Variants in ATXN7 observed in about 807,000 individuals in gnomAD.
ATXN7 encodes ataxin 7.
A neutral mutation model predicts 70.5 loss-of-function variants in ATXN7; 12 were observed. The ratio of observed to expected loss-of-function variants is 0.17; its 90% confidence interval spans 0.11 to 0.28. The LOEUF is 0.28. Among genes scored for constraint, ATXN7 ranks in the 10% least tolerant of loss-of-function variants. The pLI is 1.00. For synonymous variants in ATXN7, 498 were observed against 448.7 expected (o/e 1.11, Z -1.39); for missense variants, 1,256 against 1,131.7 (o/e 1.11, Z -1.58).
chr3:63,982,637 TG>T (rs909736688), intron 7 of ATXN7, among the ~76,000 whole-genome samples, 192 bp downstream of exon 7: 237 of 151,444 alleles, frequency 1.6e-3, no homozygotes, highest in Non-Finnish European at 3.0e-3. Context: ...TGTGTGTGTG[TG>T]TGTGTGTGTG....
chr3:63,993,819 G>A (rs1229417539), intron 11 of ATXN7, among the ~76,000 whole-genome samples: 2 of 152,170 alleles, frequency 1.3e-5, no homozygotes. Context: ...AGAAGCCACT[G>A]CTCCCAGTGA....
In ATXN7 at chr3:63,933,128, A is replaced by T. The variant is rs537219622; in HGVS notation, c.395-19251A>T. ...AGAGGTAATGTCAAAGTGCCCTCCA[A>T]AAAGGCTCTACTAGTTTCAGGTGTC... On this transcript the variant is annotated intron_variant, in intron 4 of 12. Transcript: ENST00000674280. 2.1e-4 allele frequency among the ~76,000 whole-genome samples: 32 copies of T among 152,318 alleles called. 1 individual carries two copies. The South Asian group carries it at 6.2e-3, about 30-fold the overall frequency.
In ATXN7 at chr3:63,999,433, C is replaced by T. The variant is rs368541058; in HGVS notation, c.2662-17C>T. The T allele has an allele frequency of 6.3e-7, 1 of 1,598,466 alleles. No individual in the cohort carries two copies. The highest frequency in any genetic ancestry group is 1.3e-5 in the African/African-American group (1 of 74,710). ...ACTTACCATTTCATTATTTCCCCAC[C>T]CCCTCTTTTTTGAAAGCCAAAGGCA... is the stretch of plus-strand genomic sequence containing the variant. On this transcript the variant is annotated splice_polypyrimidine_tract_variant and intron_variant, in intron 12 of 12. Coordinates refer to ENST00000674280, the MANE Select transcript of ATXN7 (RefSeq NM_001377405.1).
chr3:63,912,705 A>C lies in ATXN7; in HGVS notation c.107A>C (p.Gln36Pro), dbSNP rs1186358109. The change falls in exon 3 of 13, where the codon CAG becomes CCG. Residue 36 changes from glutamine to proline, a missense_variant. Gln to Pro is a moderately conservative substitution (Grantham distance 76). Transcript: ENST00000674280. The part of the protein sequence containing the change: ...AAARQQQQQQ[Q>P]QQQPPPPQPQ... ...GCCCGGCAGCAGCAGCAGCAGCAGC[A>C]GCAGCAGCAGCCGCCGCCTCCGCAG... 1.7e-6 allele frequency: 2 copies of C among 1,194,426 alleles called. No individual in the cohort carries two copies. Among genetic ancestry groups the C allele is most frequent in the African/African-American group, 1.6e-5 (1 of 61,376 alleles). 74.0% of individuals were successfully genotyped at this position (1,194,426 alleles called of 1,614,324 possible). A position where few individuals can be genotyped will look rare whatever the true frequency, so the allele number is the denominator to read the frequency against.
At chr3:63,931,927 A>C (rs1178918335) in intron 4 of ATXN7, among the ~76,000 whole-genome samples, 1 of 152,212 alleles carries the variant, frequency 6.6e-6, no homozygotes, top group African/African-American at 2.4e-5. Context: ...AGGGATTCTC[A>C]AACTGGGGTT....
At chr3:63,973,957 G>A (rs988233640) in intron 5 of ATXN7, among the ~76,000 whole-genome samples, 8 of 152,164 alleles carry the variant, frequency 5.3e-5, no homozygotes, top group Admixed American at 1.3e-4. Context: ...AATAGGTGAA[G>A]GGTGGGGACC....
chr3:63,898,334 G>C (rs1703507457), intron 1 of ATXN7, 65 bp from the exon 2 acceptor site: 2 of 152,056 alleles, frequency 1.3e-5, no homozygotes, highest in South Asian at 4.1e-4. Context: ...CAATGAGATT[G>C]TATGTTTCTG....
chr3:63,986,229 A>G (rs2075576136), intron 8 of ATXN7, among the ~76,000 whole-genome samples: 1 of 152,194 alleles, frequency 6.6e-6, no homozygotes, highest in African/African-American at 2.4e-5. Context: ...ACGCGGGACC[A>G]AAGGAGCAGG....
intron 2 of ATXN7, among the ~76,000 whole-genome samples, chr3:63,902,771 C>A (rs982970264): frequency 6.6e-6 from 1 of 152,028 alleles, no homozygotes; most frequent in African/African-American, 2.4e-5. Context: ...TCAGTCCATG[C>A]CGTTGCCACT....
chr3:63,894,248 G>T (rs1213584985), intron 1 of ATXN7, among the ~76,000 whole-genome samples: 1 of 152,178 alleles, frequency 6.6e-6, no homozygotes, highest in African/African-American at 2.4e-5. Flanking sequence ...GGCCCCTGTG[G>T]CCAGATTTTT....
At chr3:63,904,693 G>A (rs1205134290) in intron 2 of ATXN7, 1 of 152,200 alleles carries the variant, frequency 6.6e-6, no homozygotes, top group South Asian at 2.1e-4. Context: ...CACTGCTAAT[G>A]AATATTAGTG....
chr3:63,895,779 C>A (rs548137927), intron 1 of ATXN7, among the ~76,000 whole-genome samples: 1 of 151,662 alleles, frequency 6.6e-6, no homozygotes, highest in Admixed American at 6.6e-5. Context: ...TCTCTTGTTT[C>A]TCTGTCTCTC....
rs1238212372 is a variant in ATXN7, at chr3:64,000,874, G to A, written c.*1407G>A. On this transcript the variant is annotated 3_prime_UTR_variant, in exon 13 of 13. Transcript: ENST00000674280. ...CTTGGAGAAGGTGTCATTGAATTCC[G>A]GGACGAGCCGGAGCCTTTAAATGGG... 7.0e-6 allele frequency: 1 copy of A among 142,060 alleles called. No individual in the cohort carries two copies. Among genetic ancestry groups the A allele is most frequent in the Non-Finnish European group, 1.5e-5 (1 of 66,952 alleles). 8.8% of individuals were successfully genotyped at this position (142,060 alleles called of 1,614,324 possible).
intron 4 of ATXN7, among the ~76,000 whole-genome samples, chr3:63,926,596 G>A (rs1413474235): frequency 6.6e-6 from 1 of 152,082 alleles, no homozygotes; most frequent in African/African-American, 2.4e-5. Flanking sequence ...ATCACACAGG[G>A]CCTTGTAGCC....
intron 5 of ATXN7, chr3:63,967,991 CA>C: frequency 6.5e-7 from 1 of 1,529,924 alleles, no homozygotes; most frequent in Non-Finnish European, 8.8e-7. Flanking sequence ...TTTTCTGAGG[CA>C]GTTTTCAGAG....
intron 4 of ATXN7, among the ~76,000 whole-genome samples, chr3:63,939,964 TAAAA>T (rs551657537): frequency 1.4e-5 from 2 of 147,842 alleles, no homozygotes; most frequent in African/African-American, 2.5e-5. Context: ...CCTAGGGTGT[TAAAA>T]AAAAAAATCA....
At chr3:63,895,824 T>G (rs999420451) in intron 1 of ATXN7, among the ~76,000 whole-genome samples, 5 of 152,124 alleles carry the variant, frequency 3.3e-5, no homozygotes, top group Non-Finnish European at 5.9e-5. Flanking sequence ...TCTTTCTTGT[T>G]TTTTCTCCTG....
At chr3:63,987,332 TA>T (rs1474017361) in intron 8 of ATXN7, among the ~76,000 whole-genome samples, 1 of 152,226 alleles carries the variant, frequency 6.6e-6, no homozygotes, top group African/African-American at 2.4e-5. Flanking sequence ...ATCCATTTCT[TA>T]ATTCTGAAAT....
chr3:63,904,187 A>G (rs1703750286), intron 2 of ATXN7: 1 of 152,232 alleles, frequency 6.6e-6, no homozygotes, highest in Admixed American at 6.5e-5. Context: ...ATGAAATCAA[A>G]TAATATGTGA....
Sources: allele counts gnomAD v4.1 joint callset (sites outside exome capture counted in the v4.1 genomes callset), GRCh38; gene constraint gnomAD v4.1.1; transcripts MANE v1.5; gene names NCBI Gene and HGNC (gene_info 2026-07-23, HGNC 2026-07-21).